The following NPHP3 variants were observed in gnomAD, a reference collection of about 807,000 sequenced individuals.
NPHP3 encodes the protein nephrocystin 3.
A neutral mutation model predicts 171.9 loss-of-function variants in NPHP3; 123 were observed. The observed-to-expected ratio is 0.72, with a 90% CI of 0.62 to 0.83. NPHP3 has a LOEUF of 0.83. NPHP3 is among the 40% of genes least tolerant of loss of function. NPHP3 has a pLI of 0.00. For missense variants in NPHP3, 1,506 were observed against 1,591.9 expected, an observed-to-expected ratio of 0.95 and a Z score of 0.92; for synonymous variants, 558 against 579.2, an observed-to-expected ratio of 0.96 and a Z score of 0.52.
Position 132,695,124 on chromosome 3 carries a change from C to A in NPHP3, c.2172-159G>T, listed in dbSNP as rs1576668330. The A allele has an allele frequency of 1.1e-5, 7 of 651,882 alleles. No individual in the cohort carries two copies. In the East Asian group the frequency reaches 1.9e-4, roughly 18 times the overall value. The allele number at this position is 651,882 out of a possible 1,614,324, so 40.4% of individuals were successfully genotyped here. ...GGAAAGTGGTAGTTTTATGGGGCTG[C>A]TAGAGTCATTGGGTTTATTTTACTA... On this transcript the variant is annotated intron_variant, in intron 15 of 26. Coordinates refer to ENST00000337331, the MANE Select transcript of NPHP3 (RefSeq NM_153240.5).
chr3:132,699,527 A>C, intron 12 of NPHP3, 77 bp from the exon 13 acceptor site: 1 of 932,372 alleles, frequency 1.1e-6, no homozygotes, highest in African/African-American at 1.6e-5. Flanking sequence ...CCCCAAATAA[A>C]ATGAAATTCT....
rs747810325 is a variant in NPHP3 at position 132,721,995 on chromosome 3, T to C, written c.361A>G (p.Thr121Ala). The C allele has an allele frequency of 1.9e-5, 30 of 1,613,234 alleles. No homozygotes were observed. The highest frequency in any genetic ancestry group is 1.0e-5 in the Non-Finnish European group (12 of 1,179,914). Residue 121 changes from threonine to alanine, a missense_variant, in exon 1 of 27, where the codon ACG (threonine) becomes GCG (alanine). By Grantham distance (58) the Thr-to-Ala change is moderately conservative. This residue lies in a region of NPHP3 where 930 missense variants were observed against 924.9 expected (regional missense o/e 1.01). Transcript: ENST00000337331. ...TCGGCCCGCAGCCGCTTGTTCTCCG[T>C]GTCCAGCTTGGCCTCGCGGCGGCCC... is the stretch of plus-strand genomic sequence containing the variant. ...SMGRREAKLD[T>A]ENKRLRAELQ...
intron 4 of NPHP3, among the ~76,000 whole-genome samples, chr3:132,716,480 T>A (rs1433809156): frequency 1.3e-5 from 2 of 152,304 alleles, no homozygotes; most frequent in Non-Finnish European, 2.9e-5. Flanking sequence ...ACATTAGATT[T>A]GCTGCTCAAC....
intron 24 of NPHP3, among the ~76,000 whole-genome samples, chr3:132,684,342 T>C (rs1039403585): frequency 3.9e-5 from 6 of 152,220 alleles, no homozygotes; most frequent in Non-Finnish European, 5.9e-5. Context: ...TTTACTAGTA[T>C]ATTATTTCAG....
At chr3:132,684,325 A>C (rs562436595) in intron 24 of NPHP3, among the ~76,000 whole-genome samples, 80 of 152,350 alleles carry the variant, frequency 5.3e-4, no homozygotes, top group African/African-American at 1.8e-3. Context: ...CAAACCCAGC[A>C]TATTAATTTA....
In NPHP3 at chr3:132,716,745, A is replaced by G; in HGVS notation, c.823+12T>C. ...ACCACTAGGCAAGTAATTGACAAAC[A>G]GCATGTATTACCTCTATTAACATTT... is the stretch of plus-strand genomic sequence containing the variant. On this transcript the variant is annotated intron_variant, in intron 4 of 26. Coordinates refer to ENST00000337331, the MANE Select transcript of NPHP3 (RefSeq NM_153240.5). The G allele has an allele frequency of 1.2e-6, 2 of 1,613,564 alleles. No homozygotes were observed. Among genetic ancestry groups the G allele is most frequent in the South Asian group, 1.1e-5 (1 of 91,072 alleles).
rs119456959 is a variant in NPHP3 at position 132,682,076 on chromosome 3, TCTC to T, written c.3824_3826del (p.Gly1275del). 6.2e-7 allele frequency: 1 copy of T among 1,613,872 alleles called. No homozygotes were observed. The highest frequency in any genetic ancestry group is 1.7e-5 in the Admixed American group (1 of 60,022). On this transcript the variant is annotated inframe_deletion, in exon 27 of 27. Transcript: ENST00000337331. ...GTATAATTCAGCAGCTTTTTCAAAA[TCTC>T]CTCCTTCATAGCTTTGAGAGAGAAA...
chr3:132,700,187 G>A (rs186282444), intron 11 of NPHP3, 126 bp from the exon 12 acceptor site: 387 of 1,243,302 alleles, frequency 3.1e-4, no homozygotes, highest in Non-Finnish European at 1.2e-4. Context: ...AAGAGGACCC[G>A]ATTGTATCGA....
At chr3:132,703,879 C>A (rs938917597) in intron 9 of NPHP3, among the ~76,000 whole-genome samples, 3 of 152,212 alleles carry the variant, frequency 2.0e-5, no homozygotes, top group African/African-American at 7.2e-5. Flanking sequence ...CTGCACCTGG[C>A]CTCAGCCTTA....
rs770215162 is a variant in NPHP3 at position 132,689,111 on chromosome 3, A to C, written c.2846T>G (p.Leu949Trp). The C allele has an allele frequency of 2.5e-6, 4 of 1,614,114 alleles. No individual in the cohort carries two copies. Among genetic ancestry groups the C allele is most frequent in the Non-Finnish European group, 2.5e-6 (3 of 1,179,986 alleles). ...MSCLADLYET[L>W]GRFLKDLGLL... ...GCCTAGATCCTTGAGAAATCGCCCC[A>C]AGGTTTCATAAAGATCAGCTAAGCA... Residue 949 changes from leucine (L) to tryptophan (W), a missense_variant, in exon 20 of 27, where the codon TTG becomes TGG. By Grantham distance (61) the Leu-to-Trp change is moderately conservative (BLOSUM62 -2). Transcript: ENST00000337331.
In NPHP3 at chr3:132,695,099, G is replaced by A. The variant is rs887709192; in HGVS notation, c.2172-134C>T. ...AACAAATTCAATAAAACATGATAAA[G>A]GAAAGTGGTAGTTTTATGGGGCTGC... On this transcript the variant is annotated intron_variant, in intron 15 of 26. Coordinates refer to ENST00000337331, the MANE Select transcript of NPHP3 (RefSeq NM_153240.5). 8.8e-6 allele frequency: 7 copies of A among 798,876 alleles called. No homozygotes were observed. The African/African-American group carries it at 1.0e-4, about 12-fold the overall frequency. 49.5% of individuals were successfully genotyped at this position (798,876 alleles called of 1,614,324 possible).
chr3:132,715,752 C>G (rs1373111685), intron 4 of NPHP3, among the ~76,000 whole-genome samples: 2 of 152,186 alleles, frequency 1.3e-5, no homozygotes, highest in Non-Finnish European at 2.9e-5. Flanking sequence ...AGTAGAACTA[C>G]TTATAACTTC....
At chr3:132,715,542 C>T (rs991490199) in intron 4 of NPHP3, among the ~76,000 whole-genome samples, 1 of 152,156 alleles carries the variant, frequency 6.6e-6, no homozygotes, top group African/African-American at 2.4e-5. Flanking sequence ...GGATTTATAG[C>T]TTTACTTTCT....
intron 6 of NPHP3, among the ~76,000 whole-genome samples, chr3:132,710,854 G>C (rs1376487695): frequency 1.3e-5 from 2 of 152,108 alleles, no homozygotes; most frequent in Admixed American, 1.3e-4. Flanking sequence ...GAGGCACAGT[G>C]CCTGTGCACC....
At chr3:132,689,318 A>C (rs1292721730) in intron 19 of NPHP3, 55 bp from the exon 20 acceptor site, 1 of 1,568,346 alleles carries the variant, frequency 6.4e-7, no homozygotes, top group Non-Finnish European at 8.8e-7. Context: ...AATCCATTAC[A>C]GAATCAAAAC....
At chr3:132,718,057 AT>A (rs35348816) in intron 3 of NPHP3, 261,084 of 452,608 alleles carry the variant, frequency 0.58, 79,975 homozygotes, top group East Asian at 0.91. Flanking sequence ...CCCGGCCTTC[AT>A]TTTTTTTCCT....
In NPHP3 at chr3:132,682,012, G is replaced by A. The variant is rs1436695205; in HGVS notation, c.3891C>T (p.Leu1297=). 1.2e-6 allele frequency: 2 copies of A among 1,613,970 alleles called. No individual in the cohort carries two copies. Among genetic ancestry groups the A allele is most frequent in the Non-Finnish European group, 1.7e-6 (2 of 1,179,850 alleles). ...AMEIKEAETS[L]LGGKAPSRHS... Reference sequence around the variant, plus strand: ...GGCGTGAAGGAGCTTTTCCACCCAAGAGTGATGTTTCTGCTTCTTTTATTT... The same window carrying A: ...GGCGTGAAGGAGCTTTTCCACCCAAAAGTGATGTTTCTGCTTCTTTTATTT... The change falls in exon 27 of 27, where the codon CTC becomes CTT. Residue 1297 remains leucine, a synonymous_variant. Transcript: ENST00000337331.
At chr3:132,692,340 A>G (rs913462676) in intron 17 of NPHP3, among the ~76,000 whole-genome samples, 3 of 152,264 alleles carry the variant, frequency 2.0e-5, no homozygotes, top group Admixed American at 6.5e-5. Context: ...TCAATGAAAC[A>G]TAATTGAAAA....
In NPHP3 at chr3:132,722,257, C is replaced by T. The variant is rs1022301476; in HGVS notation, c.99G>A (p.Glu33=). 1 of 1,576,222 alleles carries T rather than the reference C, an allele frequency of 6.3e-7. No homozygotes were observed. The highest frequency in any genetic ancestry group is 1.4e-5 in the African/African-American group (1 of 71,988). The stretch of plus-strand genomic sequence containing the variant: ...GCAGCAGGCGGGCCTTGGGCTTCAC[C>T]TCCACCGGGATCTCGCAGGCCTCGC... ...GGGEACEIPV[E]VKPKARLLRN... Residue 33 remains glutamate, a synonymous_variant, in exon 1 of 27, where the codon GAG becomes GAA. Transcript: ENST00000337331.
Sources: allele counts gnomAD v4.1 joint callset (sites outside exome capture counted in the v4.1 genomes callset), GRCh38; gene constraint gnomAD v4.1.1; regional missense constraint gnomAD v4.1.1; transcripts MANE v1.5; gene names NCBI Gene and HGNC (gene_info 2026-07-23, HGNC 2026-07-21).